Variants in PEAK1 observed in about 807,000 individuals in gnomAD.
The protein encoded by PEAK1 is pseudopodium enriched atypical kinase 1, also known as inactive tyrosine-protein kinase PEAK1.
In PEAK1, 54 loss-of-function variants were observed where a neutral mutation model predicts 124.7. The observed-to-expected ratio is 0.43, with a 90% confidence interval of 0.35 to 0.54. PEAK1 has a LOEUF of 0.54. Ranked by LOEUF, PEAK1 falls within the 20% of genes least tolerant of loss-of-function variation. The pLI, the probability that PEAK1 is intolerant of heterozygous loss-of-function variation, is 0.01. For synonymous variants in PEAK1, 719 were observed against 760.0 expected (o/e 0.95, Z 0.89); for missense variants, 2,046 against 2,134.5 (o/e 0.96, Z 0.82).
intron 5 of PEAK1, among the ~76,000 whole-genome samples, chr15:77,273,073 T>C (rs888181949): frequency 1.3e-5 from 2 of 152,108 alleles, no homozygotes; most frequent in African/African-American, 4.8e-5. Flanking sequence ...CCTTTATGTA[T>C]GATTAAAACC....
chr15:77,305,197 C>CAGAA (rs1260074602), intron 2 of PEAK1, among the ~76,000 whole-genome samples: 2 of 78,568 alleles, frequency 2.5e-5, no homozygotes, highest in Admixed American at 2.2e-4. Flanking sequence ...GAGGGAGGGA[C>CAGAA]GGAAGGAGGG....
chr15:77,263,460 G>C (rs186024307), intron 5 of PEAK1, among the ~76,000 whole-genome samples: 2 of 152,154 alleles, frequency 1.3e-5, no homozygotes, highest in Non-Finnish European at 2.9e-5. Context: ...ACTACCATCA[G>C]AGAATACTAT....
intron 6 of PEAK1, among the ~76,000 whole-genome samples, chr15:77,237,563 A>G (rs1262043467): frequency 6.6e-6 from 1 of 151,632 alleles, no homozygotes; most frequent in Non-Finnish European, 1.5e-5. Context: ...TTTCTTGTAT[A>G]CTGAATGTTT....
In PEAK1 at chr15:77,317,180, A is replaced by G. The variant is rs140811067; in HGVS notation, c.-602-30676T>C. On this transcript the variant is annotated intron_variant, in intron 2 of 9. Transcript: ENST00000682557. ...CTTACTATGTGCATAGAAAAAAAAT[A>G]CAACAAAGAGTTCAAAATCGTTAAG... Among the ~76,000 whole-genome samples the G allele has an allele frequency of 5.3e-5, 8 of 152,338 alleles. No homozygotes were observed. The East Asian group carries it at 1.5e-3, about 29-fold the overall frequency.
At chr15:77,236,217 G>A (rs369523604) in intron 6 of PEAK1, among the ~76,000 whole-genome samples, 47 of 152,320 alleles carry the variant, frequency 3.1e-4, no homozygotes, top group South Asian at 1.7e-3. Context: ...TGCACTGTGC[G>A]TCTGGAAGAG....
chr15:77,205,830 A>G (rs886864416), intron 6 of PEAK1, among the ~76,000 whole-genome samples: 2 of 151,524 alleles, frequency 1.3e-5, no homozygotes, highest in Admixed American at 1.3e-4. Context: ...ATTATTTTTT[A>G]TTTTTTTTAT....
intron 6 of PEAK1, among the ~76,000 whole-genome samples, chr15:77,227,236 C>A (rs1173716245): frequency 1.3e-5 from 2 of 152,124 alleles, no homozygotes; most frequent in African/African-American, 4.8e-5. Flanking sequence ...TGTTTTTCAG[C>A]AAATTTACCA....
At chr15:77,393,721 A>T (rs2070672639) in intron 1 of PEAK1, among the ~76,000 whole-genome samples, 1 of 152,154 alleles carries the variant, frequency 6.6e-6, no homozygotes, top group Non-Finnish European at 1.5e-5. Flanking sequence ...CTACAAGGAG[A>T]GACTCCTTCT....
chr15:77,370,320 G>A (rs759520241), intron 1 of PEAK1, among the ~76,000 whole-genome samples: 41 of 152,116 alleles, frequency 2.7e-4, no homozygotes, highest in Non-Finnish European at 5.0e-4. Flanking sequence ...CAGAGCTCAG[G>A]TACACACAAA....
chr15:77,417,599 G>A, intron 1 of PEAK1: 2 of 985,360 alleles, frequency 2.0e-6, no homozygotes, highest in Non-Finnish European at 2.4e-6. Context: ...CTCACACTTG[G>A]CATGCCAGGG....
chr15:77,254,787 A>C (rs968417960), intron 5 of PEAK1, among the ~76,000 whole-genome samples: 8 of 152,238 alleles, frequency 5.3e-5, no homozygotes, highest in African/African-American at 1.9e-4. Flanking sequence ...TATATACTTA[A>C]GAACTACTGT....
At chr15:77,347,422 T>C in intron 2 of PEAK1, 3 of 985,342 alleles carry the variant, frequency 3.0e-6, no homozygotes, top group Non-Finnish European at 3.6e-6. Flanking sequence ...ATCAGTGCTG[T>C]CAGGAACCTC....
intron 6 of PEAK1, among the ~76,000 whole-genome samples, chr15:77,183,425 T>C (rs1485387512): frequency 6.6e-6 from 1 of 152,156 alleles, no homozygotes; most frequent in Admixed American, 6.5e-5. Flanking sequence ...ATACATAAAA[T>C]TATAAAATAA....
intron 2 of PEAK1, among the ~76,000 whole-genome samples, chr15:77,288,613 A>T (rs1322323366): frequency 6.6e-6 from 1 of 152,242 alleles, no homozygotes; most frequent in Non-Finnish European, 1.5e-5. Flanking sequence ...GGATCCAAGG[A>T]GTAATTGTTC....
chr15:77,402,912 C>T (rs1485312045), intron 1 of PEAK1: 1 of 985,222 alleles, frequency 1.0e-6, no homozygotes, highest in Non-Finnish European at 1.2e-6. Context: ...TGCAGAAACT[C>T]ATAGCTGAGG....
intron 2 of PEAK1, among the ~76,000 whole-genome samples, chr15:77,309,269 G>A (rs1218353867): frequency 6.6e-6 from 1 of 151,976 alleles, no homozygotes; most frequent in Non-Finnish European, 1.5e-5. Flanking sequence ...GACAAATTAT[G>A]CTTAGGACTT....
At chr15:77,332,974 G>T in intron 2 of PEAK1, 1 of 784,994 alleles carries the variant, frequency 1.3e-6, no homozygotes, top group Non-Finnish European at 1.5e-6. Context: ...ATTCATGACT[G>T]CTCCTTTTCC....
intron 7 of PEAK1, among the ~76,000 whole-genome samples, chr15:77,172,327 A>G (rs1006624769): frequency 2.0e-5 from 3 of 152,242 alleles, no homozygotes; most frequent in Non-Finnish European, 4.4e-5. Flanking sequence ...AAAAGTTTGC[A>G]AATTCAACCA....
intron 6 of PEAK1, among the ~76,000 whole-genome samples, chr15:77,228,684 C>G (rs949272388): frequency 6.6e-6 from 1 of 151,910 alleles, no homozygotes; most frequent in African/African-American, 2.4e-5. Context: ...CTTTTTGGTG[C>G]TTTCCCCATT....
Sources: gnomAD v4.1 joint callset for allele counts (sites outside exome capture counted in the v4.1 genomes callset) on GRCh38, gnomAD v4.1.1 for gene constraint, MANE v1.5 for transcripts, NCBI Gene and HGNC (gene_info 2026-07-23, HGNC 2026-07-21) for gene names.